The following COMMD2 variants were observed in gnomAD, a reference collection of about 807,000 sequenced individuals.
The protein encoded by COMMD2 is COMM domain containing 2, also known as COMM domain-containing protein 2.
Under a neutral mutation model 22.5 loss-of-function variants are expected in COMMD2, and 25 were observed. That is an observed-to-expected ratio of 1.11 (90% CI 0.81 to 1.55). COMMD2 has a LOEUF of 1.55. Among genes scored for constraint, COMMD2 ranks in the 40% most tolerant of loss-of-function variants. COMMD2 has a pLI of 0.00. For missense variants in COMMD2, 223 were observed against 232.9 expected, an observed-to-expected ratio of 0.96 and a Z score of 0.28; for synonymous variants, 98 against 91.2, an observed-to-expected ratio of 1.07 and a Z score of -0.42.
intron 3 of COMMD2, among the ~76,000 whole-genome samples, chr3:149,751,092 A>G (rs1338469932): frequency 6.6e-6 from 1 of 152,206 alleles, no homozygotes; most frequent in Non-Finnish European, 1.5e-5. Context: ...TCATCAAGCC[A>G]GATACTGCTG....
At chr3:149,747,905 G>A (rs1240489741) in intron 4 of COMMD2, among the ~76,000 whole-genome samples, 2 of 134,896 alleles carry the variant, frequency 1.5e-5, no homozygotes, top group African/African-American at 2.8e-5. Flanking sequence ...CTGAGATCGC[G>A]CCACTGCACT....
At chr3:149,751,839 T>C (rs1266235966) in intron 2 of COMMD2, 2 of 267,580 alleles carry the variant, frequency 7.5e-6, no homozygotes, top group East Asian at 7.2e-5. Context: ...CACTTTTTTT[T>C]TTTTTTTTAG....
intron 4 of COMMD2, 78 bp from the exon 5 acceptor site, chr3:149,741,796 A>G: frequency 8.9e-7 from 1 of 1,121,362 alleles, no homozygotes; most frequent in Admixed American, 2.1e-5. Context: ...ATTATCTTAA[A>G]CCATACACAA....
intron 4 of COMMD2, among the ~76,000 whole-genome samples, chr3:149,747,082 G>A (rs1716393765): frequency 6.6e-6 from 1 of 152,178 alleles, no homozygotes; most frequent in South Asian, 2.1e-4. Context: ...TGGGGACATA[G>A]AACCAAACCG....
At chr3:149,751,947 C>G (rs1159073091) in intron 2 of COMMD2, 1 of 407,830 alleles carries the variant, frequency 2.5e-6, no homozygotes, top group Non-Finnish European at 4.4e-6. Flanking sequence ...TTATACAAAA[C>G]ACTTTTCAGT....
chr3:149,739,369 A>C lies in COMMD2; in HGVS notation c.*2152T>G, dbSNP rs1198344316. The C allele has an allele frequency of 6.6e-6, 1 of 152,268 alleles. No homozygotes were observed. Among genetic ancestry groups the C allele is most frequent in the Non-Finnish European group, 1.5e-5 (1 of 68,056 alleles). The allele number at this position is 152,268 out of a possible 1,614,324, so 9.4% of individuals were successfully genotyped here. A position where few individuals can be genotyped will look rare whatever the true frequency, so the allele number is the denominator to read the frequency against. ...TGGCTTGTACTAAAAGATAAGCCCC[A>C]GATTCTAAAAGAAGGTAGGCAAACT... On this transcript the variant is annotated 3_prime_UTR_variant, in exon 5 of 5. Transcript: ENST00000473414.
chr3:149,750,372 C>G (rs1017576964), intron 4 of COMMD2: 6 of 469,664 alleles, frequency 1.3e-5, no homozygotes, highest in Non-Finnish European at 2.1e-5. Flanking sequence ...GACCTGTGCA[C>G]TTTTCTACAT....
At chr3:149,749,058 A>G (rs1327104678) in intron 4 of COMMD2, among the ~76,000 whole-genome samples, 2 of 148,242 alleles carry the variant, frequency 1.3e-5, no homozygotes, top group Non-Finnish European at 3.0e-5. Context: ...TCTGTTGCCC[A>G]GGCTGGAGTG....
chr3:149,745,827 A>C (rs1431555813), intron 4 of COMMD2, among the ~76,000 whole-genome samples: 1 of 152,202 alleles, frequency 6.6e-6, no homozygotes, highest in Non-Finnish European at 1.5e-5. Flanking sequence ...CCAAATCCTA[A>C]GCCTTTTGTC....
intron 4 of COMMD2, among the ~76,000 whole-genome samples, chr3:149,745,148 A>G (rs1716335156): frequency 6.6e-6 from 1 of 152,168 alleles, no homozygotes; most frequent in Admixed American, 6.6e-5. Context: ...CCACCGGGTT[A>G]TTATTAAAGG....
At position 149,740,902 on chromosome 3, in the gene COMMD2, TA is replaced by T. The variant is rs1201379739; in HGVS notation, c.*618del. 2.0e-5 allele frequency: 3 copies of T among 152,664 alleles called. No individual in the cohort carries two copies. The highest frequency in any genetic ancestry group is 6.5e-5 in the Admixed American group (1 of 15,286). 9.5% of individuals were successfully genotyped at this position (152,664 alleles called of 1,614,324 possible). A position where few individuals can be genotyped will look rare whatever the true frequency, so the allele number is the denominator to read the frequency against. ...GTTGATTCAATCCTATTTATGTATT[TA>T]AAATACAAAATAATGGCCATCTGGC... On this transcript the variant is annotated 3_prime_UTR_variant, in exon 5 of 5. Coordinates refer to ENST00000473414, the MANE Select transcript of COMMD2 (RefSeq NM_016094.4).
chr3:149,741,444 A>AATTAATTTTTT lies in COMMD2; in HGVS notation c.*76_*77insAAAAAATTAAT. 4 of 1,148,678 alleles carry AATTAATTTTTT rather than the reference A, an allele frequency of 3.5e-6. No individual in the cohort carries two copies. Among genetic ancestry groups the AATTAATTTTTT allele is most frequent in the Non-Finnish European group, 5.2e-6 (4 of 768,340 alleles). 71.2% of individuals were successfully genotyped at this position (1,148,678 alleles called of 1,614,324 possible). On this transcript the variant is annotated 3_prime_UTR_variant, in exon 5 of 5. Coordinates refer to ENST00000473414, the MANE Select transcript of COMMD2 (RefSeq NM_016094.4). ...TATTTATCATCATGAATTAATAAAA[A>AATTAATTTTTT]ATTAATTTTGAAAAGTAATTGCTGT...
intron 2 of COMMD2, 57 bp downstream of exon 2, chr3:149,752,153 G>A (rs927517155): frequency 7.0e-7 from 1 of 1,418,708 alleles, no homozygotes; most frequent in African/African-American, 1.4e-5. Flanking sequence ...CCGGGAGACA[G>A]GGAATGGCTC....
chr3:149,746,152 T>C (rs117633267), intron 4 of COMMD2, among the ~76,000 whole-genome samples: 2,348 of 152,338 alleles, frequency 0.015, 38 homozygotes, highest in East Asian at 0.076. Flanking sequence ...TGAGGGAGCA[T>C]GGCTGTAGTG....
At chr3:149,751,225 G>T (rs1716519924) in intron 3 of COMMD2, 178 bp downstream of exon 3, 1 of 863,682 alleles carries the variant, frequency 1.2e-6, no homozygotes, top group African/African-American at 1.7e-5. Flanking sequence ...CTAGCAAGAG[G>T]TATTCATATC....
intron 2 of COMMD2, 164 bp downstream of exon 2, chr3:149,752,046 G>A (rs1233062617): frequency 1.2e-5 from 7 of 579,098 alleles, no homozygotes; most frequent in African/African-American, 1.9e-5. Flanking sequence ...CTACTTAAGG[G>A]ACGGGCAGGA....
At chr3:149,743,028 C>T (rs1313757672) in intron 4 of COMMD2, among the ~76,000 whole-genome samples, 7 of 150,968 alleles carry the variant, frequency 4.6e-5, no homozygotes, top group South Asian at 2.1e-4. Flanking sequence ...TTCAGGATAA[C>T]GGTTTCCTTC....
At position 149,741,611 on chromosome 3, in the gene COMMD2, G is replaced by T. The variant is rs772060164; in HGVS notation, c.510C>A (p.Ala170=). Residue 170 remains alanine, a synonymous_variant, in exon 5 of 5, where the codon GCC becomes GCA. Transcript: ENST00000473414. ...HNTKVLQTDP[A]TLLHLVQQLE... Reference sequence around the variant, plus strand: ...GTTGTTGAACCAAATGGAGCAGGGTGGCTGGGTCTGTCTGCAGAACTTTGG... The same window carrying T: ...GTTGTTGAACCAAATGGAGCAGGGTTGCTGGGTCTGTCTGCAGAACTTTGG... The T allele has an allele frequency of 1.2e-6, 2 of 1,613,968 alleles. No individual in the cohort carries two copies. Among genetic ancestry groups the T allele is most frequent in the South Asian group, 2.2e-5 (2 of 91,074 alleles).
chr3:149,740,139 T>G lies in COMMD2; in HGVS notation c.*1382A>C, dbSNP rs1356041130. On this transcript the variant is annotated 3_prime_UTR_variant, in exon 5 of 5. Coordinates refer to ENST00000473414, the MANE Select transcript of COMMD2 (RefSeq NM_016094.4). ...AAGGTCTTGGACACATAGTTAAGAC[T>G]GAACCCTCATTTCCACCCTTCCATA... 1 of 152,218 alleles carries G rather than the reference T, an allele frequency of 6.6e-6. No individual in the cohort carries two copies. The highest frequency in any genetic ancestry group is 6.5e-5 in the Admixed American group (1 of 15,274). The allele number at this position is 152,218 out of a possible 1,614,324, so 9.4% of individuals were successfully genotyped here. A position where few individuals can be genotyped will look rare whatever the true frequency, so the allele number is the denominator to read the frequency against.
Sources: allele counts gnomAD v4.1 joint callset (sites outside exome capture counted in the v4.1 genomes callset), GRCh38; gene constraint gnomAD v4.1.1; transcripts MANE v1.5; gene names NCBI Gene and HGNC (gene_info 2026-07-23, HGNC 2026-07-21).